Variants in CWH43 observed in about 807,000 individuals in gnomAD.
CWH43 encodes PGAP2-interacting protein.
A neutral mutation model predicts 85.7 loss-of-function variants in CWH43; 91 were observed. That is an observed-to-expected ratio of 1.06 (90% confidence interval 0.90 to 1.26). The LOEUF is 1.26. Among genes scored for constraint, CWH43 ranks in the 50% most tolerant of loss-of-function variants. The probability of loss-of-function intolerance (pLI) is 0.00; values close to 1 mark genes in which losing one functional copy is unlikely to be tolerated. For synonymous variants in CWH43, 323 were observed against 293.6 expected (o/e 1.10, Z -1.02); for missense variants, 869 against 839.2 (o/e 1.04, Z -0.44).
intron 3 of CWH43, 93 bp from the exon 4 acceptor site, chr4:48,991,843 T>C: frequency 1.8e-6 from 2 of 1,129,604 alleles, no homozygotes; most frequent in Non-Finnish European, 2.6e-6. Flanking sequence ...ATAAGACTAT[T>C]TCAGCTACTT....
chr4:49,014,477 A>G (rs1783473377), intron 8 of CWH43, among the ~76,000 whole-genome samples: 1 of 146,356 alleles, frequency 6.8e-6, no homozygotes, highest in African/African-American at 2.6e-5. Context: ...AAAAAAAAAG[A>G]GAGAAGAAAA....
chr4:49,057,133 T>C (rs1445364524), intron 15 of CWH43, among the ~76,000 whole-genome samples: 8 of 152,224 alleles, frequency 5.3e-5, no homozygotes, highest in Admixed American at 5.2e-4. Flanking sequence ...TCTCAGTCAA[T>C]TTAGGAAGTT....
At chr4:49,044,716 AT>A (rs1784568073) in intron 13 of CWH43, 69 bp from the exon 14 acceptor site, 8 of 1,192,540 alleles carry the variant, frequency 6.7e-6, no homozygotes, top group South Asian at 2.6e-5. Context: ...TAGCTCACAC[AT>A]TTTTTGGCAA....
intron 15 of CWH43, among the ~76,000 whole-genome samples, chr4:49,056,312 C>T (rs1784963081): frequency 6.6e-6 from 1 of 152,070 alleles, no homozygotes; most frequent in Non-Finnish European, 1.5e-5. Context: ...CTTTTTGCTT[C>T]TGAGGAGGAT....
rs73246067 is a variant in CWH43, at chr4:49,035,087, T to C, written c.1658+2372T>C. ...CACTGTAGCCTCCCAACAAGCGACA[T>C]AGGAAAGTTAACACCTTGAATAATT... On this transcript the variant is annotated intron_variant, in intron 12 of 15. Transcript: ENST00000226432. 1.9e-3 allele frequency among the ~76,000 whole-genome samples: 288 copies of C among 152,216 alleles called. 1 individual carries two copies. The highest frequency in any genetic ancestry group is 3.5e-3 in the Non-Finnish European group (240 of 68,020).
intron 15 of CWH43, among the ~76,000 whole-genome samples, chr4:49,051,364 C>T (rs764383913): frequency 6.6e-6 from 1 of 152,178 alleles, no homozygotes; most frequent in Non-Finnish European, 1.5e-5. Context: ...GTATTCTCAG[C>T]TCTGGCTGCA....
intron 15 of CWH43, among the ~76,000 whole-genome samples, chr4:49,060,781 C>T (rs1334128613): frequency 6.6e-6 from 1 of 152,130 alleles, no homozygotes; most frequent in Non-Finnish European, 1.5e-5. Flanking sequence ...GATGTTTCTA[C>T]AGGGACAAGC....
At chr4:49,049,744 C>T (rs940978244) in intron 14 of CWH43, among the ~76,000 whole-genome samples, 2 of 152,124 alleles carry the variant, frequency 1.3e-5, no homozygotes, top group African/African-American at 2.4e-5. Flanking sequence ...ATGGCTTGAT[C>T]CCTCCCTTCG....
At chr4:49,000,155 G>C (rs551049998) in intron 6 of CWH43, among the ~76,000 whole-genome samples, 1 of 152,302 alleles carries the variant, frequency 6.6e-6, no homozygotes, top group African/African-American at 2.4e-5. Context: ...TGGTGATTCA[G>C]AGTGGTACTC....
At chr4:49,005,299 T>A (rs1783119646) in intron 7 of CWH43, among the ~76,000 whole-genome samples, 1 of 152,204 alleles carries the variant, frequency 6.6e-6, no homozygotes, top group African/African-American at 2.4e-5. Flanking sequence ...AGAGTATCCA[T>A]CACCCTGACA....
intron 9 of CWH43, among the ~76,000 whole-genome samples, chr4:49,023,166 G>A (rs1654483975): frequency 2.6e-5 from 4 of 152,024 alleles, no homozygotes; most frequent in Admixed American, 2.0e-4. Context: ...TTTGATACAG[G>A]CATTTAATGC....
intron 5 of CWH43, 98 bp downstream of exon 5, chr4:48,994,918 T>A: frequency 1.1e-6 from 1 of 935,268 alleles, no homozygotes; most frequent in East Asian, 2.4e-5. Flanking sequence ...TAGCCAGATA[T>A]TTCATACCAC....
Position 49,032,654 on chromosome 4 carries a change from T to C in CWH43, c.1597T>C (p.Leu533=), listed in dbSNP as rs764845594. The C allele has an allele frequency of 1.2e-6, 2 of 1,610,062 alleles. No homozygotes were observed. Among genetic ancestry groups the C allele is most frequent in the African/African-American group, 1.3e-5 (1 of 74,644 alleles). Residue 533 remains leucine (L), a synonymous_variant, in exon 12 of 16, where the codon TTG becomes CTG. Transcript: ENST00000226432. ...PEGEIAPAIT[L]TVNISGKLVD... ...GGGCGAGATCGCACCAGCCATCACA[T>C]TGACCGTTAACATTTCGGGCAAGCT...
intron 4 of CWH43, 25 bp from the exon 5 acceptor site, chr4:48,994,594 C>A (rs1782752830): frequency 6.3e-7 from 1 of 1,587,116 alleles, no homozygotes; most frequent in African/African-American, 1.4e-5. Context: ...TAAACTTTTT[C>A]CATATATGTA....
Position 48,991,935 on chromosome 4 carries a change from G to A in CWH43, c.357-1G>A, listed in dbSNP as rs773105571. The A allele has an allele frequency of 6.2e-7, 1 of 1,611,280 alleles. No homozygotes were observed. The highest frequency in any genetic ancestry group is 1.3e-5 in the African/African-American group (1 of 75,010). ...GTTTAAAAATACTTTTGCACTTACA[G>A]GTACCTCAGAATTTGGGGATTCATT... On this transcript the variant is annotated splice_acceptor_variant, in intron 3 of 15. Transcript: ENST00000226432. LOFTEE classifies it high-confidence loss of function.
intron 8 of CWH43, among the ~76,000 whole-genome samples, chr4:49,012,077 T>C (rs981873833): frequency 6.6e-5 from 10 of 152,214 alleles, no homozygotes; most frequent in Admixed American, 1.3e-4. Context: ...TTTTCCAACT[T>C]GGTTCCATTC....
At position 49,061,895 on chromosome 4, in the gene CWH43, T is replaced by C. The variant is rs760520050; in HGVS notation, c.*5T>C. ...ACTCCCAAATACTTTTTATGAAACA[T>C]TTAAAACAAGAAGTTATTGGCTGGG... On this transcript the variant is annotated 3_prime_UTR_variant, in exon 16 of 16. Transcript: ENST00000226432. 1 of 1,354,964 alleles carries C rather than the reference T, an allele frequency of 7.4e-7. No homozygotes were observed. The highest frequency in any genetic ancestry group is 1.5e-5 in the South Asian group (1 of 65,576). 83.9% of individuals were successfully genotyped at this position (1,354,964 alleles called of 1,614,324 possible).
chr4:48,994,825 G>T lies in CWH43; in HGVS notation c.713+5G>T. On this transcript the variant is annotated splice_donor_5th_base_variant and intron_variant, in intron 5 of 15. Transcript: ENST00000226432. ...GCCAGATCCTAACCCATTTGGGTGA[G>T]TTTGGGTTTGGAAGCAATCACAAAA... 6.2e-7 allele frequency: 1 copy of T among 1,613,300 alleles called. No homozygotes were observed. Among genetic ancestry groups the T allele is most frequent in the Non-Finnish European group, 8.5e-7 (1 of 1,179,794 alleles).
chr4:48,994,934 C>A, intron 5 of CWH43, 114 bp downstream of exon 5: 2 of 842,624 alleles, frequency 2.4e-6, no homozygotes, highest in East Asian at 2.5e-5. Context: ...ACCACTCTCC[C>A]TAGATATCAG....
Sources: allele counts gnomAD v4.1 joint callset (sites outside exome capture counted in the v4.1 genomes callset), GRCh38; gene constraint gnomAD v4.1.1; transcripts MANE v1.5; gene names NCBI Gene and HGNC (gene_info 2026-07-23, HGNC 2026-07-21).